The following OLFM1 variants were observed in gnomAD, a reference collection of about 807,000 sequenced individuals.
The protein encoded by OLFM1 is noelin.
A neutral mutation model predicts 49.7 loss-of-function variants in OLFM1; 9 were observed. The ratio of observed to expected loss-of-function variants is 0.18; its 90% CI spans 0.11 to 0.32. The LOEUF (loss-of-function observed/expected upper bound fraction) is 0.32, where lower values mean the gene tolerates loss of function less well. Ranked by LOEUF, OLFM1 falls within the 10% of genes least tolerant of loss-of-function variation. The pLI, the probability that OLFM1 is intolerant of heterozygous loss-of-function variation, is 1.00. For synonymous variants in OLFM1, 240 were observed against 271.8 expected, an observed-to-expected ratio of 0.88 and a Z score of 1.15; for missense variants, 369 against 661.8, an observed-to-expected ratio of 0.56 and a Z score of 4.85.
chr9:135,114,697 G>C (rs2119141325), intron 5 of OLFM1, among the ~76,000 whole-genome samples: 2 of 151,018 alleles, frequency 1.3e-5, no homozygotes, highest in Non-Finnish European at 3.0e-5. Context: ...GGGAGGGAGG[G>C]AGGGGCTGGC....
intron 4 of OLFM1, among the ~76,000 whole-genome samples, chr9:135,103,619 G>C (rs553249106): frequency 9.2e-5 from 14 of 152,366 alleles, no homozygotes; most frequent in African/African-American, 3.4e-4. Flanking sequence ...CCCACGGCAG[G>C]GTGGGCCTGG....
intron 5 of OLFM1, among the ~76,000 whole-genome samples, chr9:135,110,482 T>C (rs1279370950): frequency 3.3e-5 from 5 of 152,294 alleles, no homozygotes; most frequent in African/African-American, 1.2e-4. Context: ...TCAAAGTCCT[T>C]TCCCATCATC....
Position 135,098,107 on chromosome 9 carries a change from T to C in OLFM1, c.457-179T>C, listed in dbSNP as rs1830824764. 1.4e-6 allele frequency: 2 copies of C among 1,433,358 alleles called. No individual in the cohort carries two copies. Among genetic ancestry groups the C allele is most frequent in the South Asian group, 3.1e-5 (2 of 65,074 alleles). 88.8% of individuals were successfully genotyped at this position (1,433,358 alleles called of 1,614,324 possible). A position where few individuals can be genotyped will look rare whatever the true frequency, so the allele number is the denominator to read the frequency against. ...TGACAATAAAGACCTTTCCCAAATATGCTGGTGTTCTGAGGACTGTTTAAT... is the reference window on the plus strand; with the variant it reads ...TGACAATAAAGACCTTTCCCAAATACGCTGGTGTTCTGAGGACTGTTTAAT... On this transcript the variant is annotated intron_variant, in intron 3 of 5. Coordinates refer to ENST00000371793, the MANE Select transcript of OLFM1 (RefSeq NM_001282611.2). This position sits in a 1 kb window ranked among gnomAD's most constrained non-coding sequence, Gnocchi z 5.6.
At position 135,087,940 on chromosome 9, in the gene OLFM1, C is replaced by A; in HGVS notation, c.-50C>A. On this transcript the variant is annotated 5_prime_UTR_variant, in exon 1 of 6. Transcript: ENST00000371793. ...CCGCCGCCTGAAGGCCGCCTGGGCG[C>A]GGGAGCCGGTGCCAGCTCGGAGCGG... The A allele has an allele frequency of 7.4e-7, 1 of 1,353,784 alleles. No homozygotes were observed. The highest frequency in any genetic ancestry group is 1.7e-5 in the South Asian group (1 of 57,344). 83.9% of individuals were successfully genotyped at this position (1,353,784 alleles called of 1,614,324 possible).
At chr9:135,084,366 G>A (rs182553835), upstream of OLFM1, among the ~76,000 whole-genome samples, 103 of 136,152 alleles carry the variant, frequency 7.6e-4, 1 homozygote, top group African/African-American at 2.8e-3. The surrounding 1 kb of genome is among the most constrained non-coding windows in gnomAD (Gnocchi z 4.6). Context: ...TCCTCTCTCC[G>A]TCTCTTCTCT....
rs992392802 is a variant in OLFM1, at chr9:135,088,592, C to T, written c.150+453C>T. 2.0e-5 allele frequency among the ~76,000 whole-genome samples: 3 copies of T among 152,058 alleles called. No homozygotes were observed. Among genetic ancestry groups the T allele is most frequent in the Admixed American group, 2.0e-4 (3 of 15,284 alleles). On this transcript the variant is annotated intron_variant, in intron 1 of 5. Coordinates refer to ENST00000371793, the MANE Select transcript of OLFM1 (RefSeq NM_001282611.2). This position sits in a 1 kb window ranked among gnomAD's most constrained non-coding sequence, Gnocchi z 4.8. Reference sequence around the variant, plus strand: ...CTCGGTCCAGCGGGGACTGAGCCCGCCCTAGTTTGTAAAAGCCAGACTGGC... The same window carrying T: ...CTCGGTCCAGCGGGGACTGAGCCCGTCCTAGTTTGTAAAAGCCAGACTGGC...
intron 1 of OLFM1, among the ~76,000 whole-genome samples, chr9:135,081,398 G>A (rs1365987211): frequency 6.6e-6 from 1 of 152,230 alleles, no homozygotes; most frequent in Non-Finnish European, 1.5e-5. Flanking sequence ...CATCAGCTGT[G>A]CCTTTCCGAC....
chr9:135,108,835 G>A (rs1286071643), intron 5 of OLFM1, among the ~76,000 whole-genome samples: 5 of 152,104 alleles, frequency 3.3e-5, no homozygotes, highest in African/African-American at 1.2e-4. Flanking sequence ...TGACAAGACT[G>A]TTCTCACGCC....
intron 1 of OLFM1, chr9:135,076,233 C>T (rs1006480069): frequency 3.2e-6 from 5 of 1,550,478 alleles, no homozygotes; most frequent in Non-Finnish European, 4.4e-6. Flanking sequence ...AGTGGCTCAT[C>T]CTCCCTTTGG....
At chr9:135,109,894 C>T (rs1025047441) in intron 5 of OLFM1, among the ~76,000 whole-genome samples, 1 of 152,098 alleles carries the variant, frequency 6.6e-6, no homozygotes, top group African/African-American at 2.4e-5. Flanking sequence ...AGGGACGGTC[C>T]TGAGCCAGCT....
At chr9:135,106,989 G>C (rs905396389) in intron 5 of OLFM1, 134 bp downstream of exon 5, 4 of 681,114 alleles carry the variant, frequency 5.9e-6, no homozygotes, top group Non-Finnish European at 9.8e-6. Context: ...GCCTGGGGGC[G>C]TTTGTTCCTG....
intron 5 of OLFM1, among the ~76,000 whole-genome samples, chr9:135,112,884 A>T (rs1447563071): frequency 6.6e-6 from 1 of 152,104 alleles, no homozygotes; most frequent in Admixed American, 6.5e-5. Flanking sequence ...GGCAGGAGGG[A>T]AGAGGGCATC....
chr9:135,104,487 G>C (rs1018938671), intron 4 of OLFM1, among the ~76,000 whole-genome samples: 3 of 152,208 alleles, frequency 2.0e-5, no homozygotes, highest in South Asian at 4.1e-4. Flanking sequence ...CGGAAGGCCC[G>C]GCGTGTTGAC....
chr9:135,115,602 C>T (rs1296404027), intron 5 of OLFM1, among the ~76,000 whole-genome samples: 3 of 152,236 alleles, frequency 2.0e-5, no homozygotes, highest in Admixed American at 6.5e-5. Flanking sequence ...GGTAGCAGCA[C>T]CCCTGGCCTC....
chr9:135,107,157 TGG>T (rs1438149711), intron 5 of OLFM1, among the ~76,000 whole-genome samples: 1 of 151,806 alleles, frequency 6.6e-6, no homozygotes. Flanking sequence ...TGGGCTGGGC[TGG>T]GCTGGGCTGG....
upstream of OLFM1, among the ~76,000 whole-genome samples, chr9:135,083,146 A>G (rs1224829087): frequency 1.3e-5 from 2 of 152,188 alleles, no homozygotes; most frequent in Non-Finnish European, 2.9e-5. Flanking sequence ...TCACCTGGGA[A>G]GTAGGAAATG....
intron 2 of OLFM1, among the ~76,000 whole-genome samples, chr9:135,091,689 A>ACACACACAGTCTCACACATAGT (rs1192568151): frequency 1.5e-3 from 2 of 1,318 alleles, no homozygotes; most frequent in East Asian, 0.091. Flanking sequence ...ACATAGTCTC[A>ACACACACAGTCTCACACATAGT]CACACACACA....
In OLFM1 at chr9:135,088,007, C is replaced by G. The variant is rs1464756448; in HGVS notation, c.18C>G (p.Leu6=). 2 of 1,454,934 alleles carry G rather than the reference C, an allele frequency of 1.4e-6. No homozygotes were observed. The highest frequency in any genetic ancestry group is 2.9e-5 in the African/African-American group (2 of 67,880). The allele number at this position is 1,454,934 out of a possible 1,614,324, so 90.1% of individuals were successfully genotyped here. A position where few individuals can be genotyped will look rare whatever the true frequency, so the allele number is the denominator to read the frequency against. The change falls in exon 1 of 6, where the codon CTC becomes CTG. Residue 6 remains leucine, a synonymous_variant. Coordinates refer to ENST00000371793, the MANE Select transcript of OLFM1 (RefSeq NM_001282611.2). This position sits in a 1 kb window ranked among gnomAD's most constrained non-coding sequence, Gnocchi z 4.8. ...GAGGCGCGATGTCGGTGCCGCTGCT[C>G]AAGATCGGGGTCGTGCTGAGCACCA... MSVPL[L]KIGVVLSTMA...
upstream of OLFM1, among the ~76,000 whole-genome samples, chr9:135,085,477 C>G (rs1024342107): frequency 1.3e-5 from 2 of 152,260 alleles, no homozygotes; most frequent in Admixed American, 1.3e-4. Flanking sequence ...TGAGATTCCT[C>G]ATCTATACAG....
Sources: allele counts gnomAD v4.1 joint callset (sites outside exome capture counted in the v4.1 genomes callset), GRCh38; gene constraint gnomAD v4.1.1; non-coding constraint Gnocchi (gnomAD v3.1); transcripts MANE v1.5; gene names NCBI Gene and HGNC (gene_info 2026-07-23, HGNC 2026-07-21).